Variants in PAXIP1 observed in about 807,000 individuals in gnomAD.
PAXIP1 encodes the protein PAX interacting protein 1, also known as PAX-interacting protein 1.
In PAXIP1, 19 loss-of-function variants were observed where a neutral mutation model predicts 140.6. The ratio of observed to expected loss-of-function variants is 0.14; its 90% CI spans 0.09 to 0.20. PAXIP1 has a LOEUF of 0.20. Among genes scored for constraint, PAXIP1 ranks in the 10% least tolerant of loss-of-function variants. The pLI, the probability that PAXIP1 is intolerant of heterozygous loss-of-function variation, is 1.00. For synonymous variants in PAXIP1, 442 were observed against 444.6 expected (o/e 0.99, Z 0.07); for missense variants, 920 against 1,208.6 (o/e 0.76, Z 3.54).
At chr7:154,998,898 T>C in intron 1 of PAXIP1, 114 bp from the exon 2 acceptor site, 1 of 876,118 alleles carries the variant, frequency 1.1e-6, no homozygotes, top group East Asian at 2.7e-5. Context: ...CACACCATAT[T>C]CCCCACATAA....
intron 20 of PAXIP1, chr7:154,945,654 A>G (rs1807930736): frequency 1.0e-6 from 1 of 985,354 alleles, no homozygotes; most frequent in Non-Finnish European, 1.2e-6. Context: ...AGGCCCAGGG[A>G]GAAGTCCTGA....
chr7:154,966,967 TCCCC>T (rs1018581923), intron 8 of PAXIP1, among the ~76,000 whole-genome samples: 1 of 152,048 alleles, frequency 6.6e-6, no homozygotes, highest in South Asian at 2.1e-4. Flanking sequence ...TGGAAAATCC[TCCCC>T]CCTAATTCTC....
At position 154,968,961 on chromosome 7, in the gene PAXIP1, G is replaced by A. The variant is rs781030473; in HGVS notation, c.1240C>T (p.His414Tyr). 1 of 1,232,084 alleles carries A rather than the reference G, an allele frequency of 8.1e-7. No individual in the cohort carries two copies. Among genetic ancestry groups the A allele is most frequent in the Non-Finnish European group, 1.1e-6 (1 of 900,520 alleles). The allele number at this position is 1,232,084 out of a possible 1,614,324, so 76.3% of individuals were successfully genotyped here. The change falls in exon 7 of 21, where the codon CAC becomes TAC. Residue 414 changes from histidine to tyrosine, a missense_variant. By Grantham distance (83) the His-to-Tyr change is moderately conservative. This residue lies in a region of PAXIP1 where 419 missense variants were observed against 514.7 expected (regional missense o/e 0.81). Transcript: ENST00000404141. ...TGGGGCTGAAGGTGTAAAACCGGGT[G>A]CTGCTGCTGCTGCTGCTGGGCCTGC... ...QQQAQQQQQQHPVLHLQPQQI... is the reference protein window; with the variant it reads ...QQQAQQQQQQYPVLHLQPQQI...
rs956584596 is a variant in PAXIP1 at position 154,943,889 on chromosome 7, C to G, written c.*260G>C. 4 of 427,908 alleles carry G rather than the reference C, an allele frequency of 9.3e-6. No individual in the cohort carries two copies. The highest frequency in any genetic ancestry group is 1.7e-5 in the Non-Finnish European group (4 of 231,800). 26.5% of individuals were successfully genotyped at this position (427,908 alleles called of 1,614,324 possible). On this transcript the variant is annotated 3_prime_UTR_variant, in exon 21 of 21. Coordinates refer to ENST00000404141, the MANE Select transcript of PAXIP1 (RefSeq NM_007349.4). ...CAGTTTTGTGAAAACATTTAAAAAC[C>G]TGGCAAATGAATCATAAAACCTAAT...
intron 8 of PAXIP1, chr7:154,965,811 A>G (rs1185942094): frequency 6.6e-6 from 1 of 152,310 alleles, no homozygotes; most frequent in Non-Finnish European, 1.5e-5. Context: ...GTTTTCGGGA[A>G]TCAAAAGTGA....
intron 4 of PAXIP1, among the ~76,000 whole-genome samples, chr7:154,987,326 T>C (rs1327757869): frequency 6.6e-6 from 1 of 152,208 alleles, no homozygotes; most frequent in Non-Finnish European, 1.5e-5. Flanking sequence ...CAATTTATGC[T>C]CTAAATCTTT....
chr7:154,985,878 G>T, intron 4 of PAXIP1: 1 of 535,510 alleles, frequency 1.9e-6, no homozygotes, highest in Non-Finnish European at 3.0e-6. Flanking sequence ...ACCTAGTACA[G>T]TGCAAGGCAC....
Position 154,946,533 on chromosome 7 carries a change from C to T in PAXIP1, c.3112G>A (p.Glu1038Lys). Residue 1038 changes from glutamate to lysine, a missense_variant, in exon 19 of 21, where the codon GAA becomes AAA. By Grantham distance (56) the Glu-to-Lys change is moderately conservative. Transcript: ENST00000404141. This position sits in a 1 kb window ranked among gnomAD's most constrained non-coding sequence, Gnocchi z 4.9. ...GTACCTATGCCTCTGGCAAAATATT[C>T]TCGGCATAAATGAAGGTCATTTTCA... ...SCENDLHLCREYFARGIDVHN... is the reference protein window; with the variant it reads ...SCENDLHLCRKYFARGIDVHN... 6.2e-7 allele frequency: 1 copy of T among 1,613,992 alleles called. No individual in the cohort carries two copies. Among genetic ancestry groups the T allele is most frequent in the Non-Finnish European group, 8.5e-7 (1 of 1,179,864 alleles).
chr7:154,976,799 G>T (rs756403085), intron 5 of PAXIP1, among the ~76,000 whole-genome samples: 1 of 152,182 alleles, frequency 6.6e-6, no homozygotes, highest in Non-Finnish European at 1.5e-5. Context: ...GACTTGCATA[G>T]GACAGCTCTA....
intron 9 of PAXIP1, 52 bp from the exon 10 acceptor site, chr7:154,962,510 T>A: frequency 1.3e-6 from 2 of 1,538,238 alleles, no homozygotes; most frequent in Non-Finnish European, 1.8e-6. Flanking sequence ...TGCTGCAGGA[T>A]TAAAGAAAAT....
chr7:154,953,237 T>C (rs1808351299), intron 16 of PAXIP1, among the ~76,000 whole-genome samples: 1 of 152,182 alleles, frequency 6.6e-6, no homozygotes. Flanking sequence ...GGCAGCTGTA[T>C]CTTTCTGCTT....
chr7:154,978,326 G>C (rs1024832108), intron 5 of PAXIP1, among the ~76,000 whole-genome samples: 2 of 152,090 alleles, frequency 1.3e-5, no homozygotes, highest in African/African-American at 4.8e-5. Context: ...CAAATTCCTA[G>C]GTTTTGGTGT....
At chr7:154,952,849 GATTT>G (rs1563362282) in intron 16 of PAXIP1, among the ~76,000 whole-genome samples, 1 of 152,142 alleles carries the variant, frequency 6.6e-6, no homozygotes, top group African/African-American at 2.4e-5. Context: ...TCAGATTAAT[GATTT>G]ATTCTTTCCT....
At chr7:154,957,187 A>G in intron 14 of PAXIP1, 37 bp downstream of exon 14, 1 of 1,202,230 alleles carries the variant, frequency 8.3e-7, no homozygotes, top group African/African-American at 1.5e-5. Flanking sequence ...AGACCTGTGA[A>G]AGCCAGCAAT....
chr7:154,996,645 C>T (rs572325930), intron 2 of PAXIP1, among the ~76,000 whole-genome samples: 26 of 152,296 alleles, frequency 1.7e-4, no homozygotes, highest in Middle Eastern at 3.4e-3. Flanking sequence ...GCAGCAGCTA[C>T]CGGCAGTGAC....
At chr7:154,982,444 G>C (rs1809887265) in intron 5 of PAXIP1, among the ~76,000 whole-genome samples, 1 of 152,130 alleles carries the variant, frequency 6.6e-6, no homozygotes, top group South Asian at 2.1e-4. Flanking sequence ...TCCACCTCCT[G>C]TGTTCAAGCG....
intron 8 of PAXIP1, chr7:154,964,054 C>T (rs1808890145): frequency 2.8e-6 from 1 of 363,252 alleles, no homozygotes; most frequent in African/African-American, 2.1e-5. Flanking sequence ...CCACTCTGGA[C>T]CAGGGAGTTC....
intron 6 of PAXIP1, among the ~76,000 whole-genome samples, chr7:154,974,870 C>A (rs951254873): frequency 6.6e-6 from 1 of 151,752 alleles, no homozygotes; most frequent in Non-Finnish European, 1.5e-5. Context: ...TAAGGCCATG[C>A]GTGGTGGCTC....
intron 20 of PAXIP1, chr7:154,945,665 G>C (rs905559032): frequency 3.0e-6 from 3 of 985,276 alleles, no homozygotes; most frequent in Non-Finnish European, 3.6e-6. Context: ...GAAGTCCTGA[G>C]AACAGCCCTG....
Sources: gnomAD v4.1 joint callset for allele counts (sites outside exome capture counted in the v4.1 genomes callset) on GRCh38, gnomAD v4.1.1 for gene constraint, gnomAD v4.1.1 regional missense constraint, Gnocchi (gnomAD v3.1) non-coding constraint, MANE v1.5 for transcripts, NCBI Gene and HGNC (gene_info 2026-07-23, HGNC 2026-07-21) for gene names.